Variants in CP observed in about 807,000 individuals in gnomAD.
CP encodes ceruloplasmin.
A neutral mutation model predicts 122.4 loss-of-function variants in CP; 64 were observed. The ratio of observed to expected loss-of-function variants is 0.52; its 90% CI spans 0.43 to 0.64. CP has a LOEUF of 0.64. Ranked by LOEUF, CP falls within the 30% of genes least tolerant of loss-of-function variation. The pLI, the probability that CP is intolerant of heterozygous loss-of-function variation, is 0.00. For missense variants in CP, 1,167 were observed against 1,284.4 expected (o/e 0.91, Z 1.40); for synonymous variants, 440 against 436.4 (o/e 1.01, Z -0.10).
intron 2 of CP, among the ~76,000 whole-genome samples, chr3:149,211,139 A>G (rs1016838301): frequency 2.6e-5 from 4 of 152,192 alleles, no homozygotes; most frequent in African/African-American, 9.7e-5. Context: ...CAACAACAAA[A>G]ACAAAAAAAG....
chr3:149,194,569 C>T (rs1414830643), intron 9 of CP, among the ~76,000 whole-genome samples: 1 of 151,386 alleles, frequency 6.6e-6, no homozygotes, highest in Non-Finnish European at 1.5e-5. Context: ...GATGGTATTA[C>T]CATTTACAAA....
intron 6 of CP, among the ~76,000 whole-genome samples, chr3:149,204,114 G>A (rs1021998975): frequency 2.0e-5 from 3 of 152,190 alleles, no homozygotes; most frequent in Non-Finnish European, 4.4e-5. Flanking sequence ...ATGCAAGACA[G>A]GGCAGAGGAG....
chr3:149,171,672 T>C (rs1406174217), downstream of CP, among the ~76,000 whole-genome samples: 3 of 150,540 alleles, frequency 2.0e-5, no homozygotes, highest in African/African-American at 4.9e-5. Context: ...TTTGAAGTTA[T>C]AACATTTTGT....
At chr3:149,210,078 G>T in intron 3 of CP, 89 bp downstream of exon 3, 2 of 1,315,168 alleles carry the variant, frequency 1.5e-6, no homozygotes, top group Admixed American at 1.7e-5. Flanking sequence ...CTCAATCTCA[G>T]CACAGAAGAC....
Position 149,210,366 on chromosome 3 carries a change from A to G in CP, c.408T>C (p.Pro136=). Residue 136 remains proline, a synonymous_variant, in exon 3 of 19, where the codon CCT becomes CCC. Coordinates refer to ENST00000264613, the MANE Select transcript of CP (RefSeq NM_000096.4). ...YYKEHEGAIY[P]DNTTDFQRAD... Reference sequence around the variant, plus strand: ...CTCTTTGAAAATCTGTGGTGTTATCAGGGTAGATGGCCCCTAGGAAGCAAC... The same window carrying G: ...CTCTTTGAAAATCTGTGGTGTTATCGGGGTAGATGGCCCCTAGGAAGCAAC... The G allele has an allele frequency of 6.2e-7, 1 of 1,614,040 alleles. No individual in the cohort carries two copies. Among genetic ancestry groups the G allele is most frequent in the Non-Finnish European group, 8.5e-7 (1 of 1,179,898 alleles).
At chr3:149,185,748 CT>C (rs1726126321) in intron 11 of CP, among the ~76,000 whole-genome samples, 1 of 152,182 alleles carries the variant, frequency 6.6e-6, no homozygotes, top group Non-Finnish European at 1.5e-5. Context: ...AATCTTGACC[CT>C]TTCCCCTCTC....
In CP at chr3:149,181,487, A is replaced by T. The variant is rs35102207; in HGVS notation, c.2554+518T>A. Among the ~76,000 whole-genome samples, 1,233 of 152,302 alleles carry T rather than the reference A, an allele frequency of 8.1e-3. 12 individuals are homozygous for T. The highest frequency in any genetic ancestry group is 0.028 in the African/African-American group (1,165 of 41,550). ...AAGCCAACTTTACAACTAATAGAAG[A>T]AAAATATGGTTCTTATTAAAGAAAA... On this transcript the variant is annotated intron_variant, in intron 14 of 18. Transcript: ENST00000264613.
Position 149,176,405 on chromosome 3 carries a change from C to T in CP, c.3026G>A (p.Gly1009Glu). ...GTCAAAGACATCAGAACTATAAACTCCCCTGTGCTTAATTAGAAAAATGAC... is the reference window on the plus strand; with the variant it reads ...GTCAAAGACATCAGAACTATAAACTTCCCTGTGCTTAATTAGAAAAATGAC... ...HGHSFQYKHR[G>E]VYSSDVFDIF... The change falls in exon 18 of 19, where the codon GGA becomes GAA. Residue 1009 changes from glycine (G) to glutamate (E), a missense_variant. Physicochemically the swap from Gly to Glu is moderately conservative, Grantham distance 98. Coordinates refer to ENST00000264613, the MANE Select transcript of CP (RefSeq NM_000096.4). The T allele has an allele frequency of 1.2e-6, 2 of 1,608,036 alleles. No individual in the cohort carries two copies. The highest frequency in any genetic ancestry group is 2.2e-5 in the South Asian group (2 of 90,970).
chr3:149,188,672 G>A (rs950310464), intron 9 of CP, among the ~76,000 whole-genome samples: 5 of 151,944 alleles, frequency 3.3e-5, no homozygotes, highest in East Asian at 1.9e-4. Context: ...CAATGAATTC[G>A]AACAGAGATT....
rs1037483547 is a variant in CP, at chr3:149,199,779, A to G, written c.1434T>C (p.Ile478=). 26 of 1,614,150 alleles carry G rather than the reference A, an allele frequency of 1.6e-5. No individual in the cohort carries two copies. The highest frequency in any genetic ancestry group is 2.1e-5 in the Non-Finnish European group (25 of 1,180,006). Reference sequence around the variant, plus strand: ...CGTTGTTCTTATTGAATCTCACCCCAATCGGCTCAATACTGAGGGGATATG... The same window carrying G: ...CGTTGTTCTTATTGAATCTCACCCCGATCGGCTCAATACTGAGGGGATATG... ...KGAYPLSIEP[I]GVRFNKNNEG... Residue 478 remains isoleucine, a synonymous_variant, in exon 8 of 19, where the codon ATT becomes ATC. Transcript: ENST00000264613.
At chr3:149,207,772 A>G in intron 4 of CP, 155 bp from the exon 5 acceptor site, 1 of 775,382 alleles carries the variant, frequency 1.3e-6, no homozygotes, top group Non-Finnish European at 2.2e-6. Flanking sequence ...ATTGCTAATC[A>G]ATCACAGCAC....
intron 4 of CP, among the ~76,000 whole-genome samples, chr3:149,167,470 A>G (rs763188967): frequency 1.3e-5 from 2 of 152,164 alleles, no homozygotes; most frequent in Non-Finnish European, 2.9e-5. Flanking sequence ...TTGTTTGGAG[A>G]TGAAGTAGTT....
chr3:149,186,260 A>T (rs978477669), intron 11 of CP: 5 of 517,420 alleles, frequency 9.7e-6, no homozygotes, highest in Non-Finnish European at 1.7e-5. Flanking sequence ...CTAAAAAGGG[A>T]TCATCTTGAG....
chr3:149,209,004 G>A (rs1047151399), intron 4 of CP, among the ~76,000 whole-genome samples: 2 of 152,088 alleles, frequency 1.3e-5, no homozygotes, highest in Admixed American at 1.3e-4. Context: ...ACCAGTTGGG[G>A]AACAAGTTTG....
intron 6 of CP, among the ~76,000 whole-genome samples, chr3:149,203,974 G>T (rs1161009081): frequency 6.6e-6 from 1 of 152,218 alleles, no homozygotes; most frequent in Non-Finnish European, 1.5e-5. Flanking sequence ...GGGAAGTAGA[G>T]TTAGCAAGAT....
downstream of CP, among the ~76,000 whole-genome samples, chr3:149,169,038 C>CGTGTGTGT (rs34076994): frequency 0.031 from 4,599 of 149,768 alleles, 222 homozygotes; most frequent in African/African-American, 0.11. Flanking sequence ...TGTGTGCATA[C>CGTGTGTGT]GTGTGTGTGT....
chr3:149,197,788 A>T (rs1242657107), intron 9 of CP, among the ~76,000 whole-genome samples: 1 of 152,168 alleles, frequency 6.6e-6, no homozygotes, highest in Non-Finnish European at 1.5e-5. Flanking sequence ...TTGCGCTCGT[A>T]TGAGAATCTG....
At chr3:149,220,693 A>C (rs889074446) in intron 1 of CP, among the ~76,000 whole-genome samples, 1 of 152,168 alleles carries the variant, frequency 6.6e-6, no homozygotes, top group Non-Finnish European at 1.5e-5. Flanking sequence ...AAGATTCAAT[A>C]ATTACAAACT....
intron 14 of CP, among the ~76,000 whole-genome samples, chr3:149,181,157 C>T (rs182121420): frequency 6.6e-6 from 1 of 152,084 alleles, no homozygotes; most frequent in Non-Finnish European, 1.5e-5. Context: ...TCTTAAATCT[C>T]GAGTCTGAGG....
Sources: allele counts gnomAD v4.1 joint callset (sites outside exome capture counted in the v4.1 genomes callset), GRCh38; gene constraint gnomAD v4.1.1; transcripts MANE v1.5; gene names NCBI Gene and HGNC (gene_info 2026-07-23, HGNC 2026-07-21).